SUPT3H: variants seen among roughly 807,000 people sequenced by gnomAD.
The protein encoded by SUPT3H is SPT3 homolog, SAGA and STAGA complex component, also known as transcription initiation protein SPT3 homolog.
In SUPT3H, 44 loss-of-function variants were observed where a neutral mutation model predicts 44.3. The observed-to-expected ratio is 0.99, with a 90% CI of 0.78 to 1.28. The LOEUF (loss-of-function observed/expected upper bound fraction) is 1.28. Ranked by LOEUF, SUPT3H falls within the 50% of genes most tolerant of loss-of-function variation. The probability of loss-of-function intolerance (pLI) is 0.00; values close to 1 mark genes in which losing one functional copy is unlikely to be tolerated. For missense variants in SUPT3H, 380 were observed against 387.1 expected (o/e 0.98, Z 0.15); for synonymous variants, 124 against 125.6 (o/e 0.99, Z 0.09).
chr6:44,831,824 A>G (rs1423585467), intron 10 of SUPT3H, among the ~76,000 whole-genome samples: 1 of 152,170 alleles, frequency 6.6e-6, no homozygotes, highest in African/African-American at 2.4e-5. Flanking sequence ...AGTTCTTATT[A>G]GCATGGAAAA....
chr6:45,371,067 T>TA (rs1302762977), intron 1 of SUPT3H, among the ~76,000 whole-genome samples: 1 of 152,196 alleles, frequency 6.6e-6, no homozygotes, highest in Non-Finnish European at 1.5e-5. Flanking sequence ...ATTAAAGAGT[T>TA]ACTTAATGGT....
intron 2 of SUPT3H, among the ~76,000 whole-genome samples, chr6:45,263,605 A>C (rs1774758014): frequency 6.6e-6 from 1 of 152,096 alleles, no homozygotes; most frequent in Non-Finnish European, 1.5e-5. Flanking sequence ...CACGTAACAA[A>C]CCTGAACATG....
chr6:45,169,534 T>C (rs144450231), intron 2 of SUPT3H, among the ~76,000 whole-genome samples: 1 of 152,198 alleles, frequency 6.6e-6, no homozygotes. Flanking sequence ...AAAATATTGC[T>C]TGAACATAAA....
intron 6 of SUPT3H, among the ~76,000 whole-genome samples, chr6:44,987,328 C>T (rs1779960263): frequency 6.6e-6 from 1 of 151,846 alleles, no homozygotes; most frequent in African/African-American, 2.4e-5. Flanking sequence ...CAGTCCATAG[C>T]CCCTTTTTAT....
intron 2 of SUPT3H, among the ~76,000 whole-genome samples, chr6:45,175,939 G>A (rs781382395): frequency 2.6e-5 from 4 of 152,198 alleles, no homozygotes; most frequent in Non-Finnish European, 5.9e-5. Context: ...TGGGAAGAAG[G>A]TGAAGGGAAT....
At chr6:44,947,189 A>G (rs909289763) in intron 9 of SUPT3H, among the ~76,000 whole-genome samples, 1 of 152,224 alleles carries the variant, frequency 6.6e-6, no homozygotes, top group Non-Finnish European at 1.5e-5. Context: ...TTTTATATGC[A>G]CCAGGAAAGC....
chr6:45,198,641 C>A (rs1240908584), intron 2 of SUPT3H, among the ~76,000 whole-genome samples: 1 of 151,206 alleles, frequency 6.6e-6, no homozygotes, highest in African/African-American at 2.4e-5. Context: ...AAAATAACTT[C>A]TTGATATAAG....
chr6:44,975,114 T>C (rs1448913615), intron 6 of SUPT3H, among the ~76,000 whole-genome samples: 1 of 152,036 alleles, frequency 6.6e-6, no homozygotes, highest in Non-Finnish European at 1.5e-5. Flanking sequence ...GAGGGTGCAG[T>C]GAGCAGAGAT....
intron 2 of SUPT3H, among the ~76,000 whole-genome samples, chr6:45,288,571 A>G (rs1395999087): frequency 2.9e-5 from 1 of 34,558 alleles, no homozygotes; most frequent in South Asian, 1.1e-3. Flanking sequence ...ATATGTATAT[A>G]TATATATATA....
chr6:44,964,401 A>G (rs1048624836), intron 6 of SUPT3H, among the ~76,000 whole-genome samples: 1 of 150,636 alleles, frequency 6.6e-6, no homozygotes, highest in Non-Finnish European at 1.5e-5. Context: ...GGGATTCTTA[A>G]CACTAACTTT....
At chr6:45,026,606 T>G (rs1433944400) in intron 3 of SUPT3H, among the ~76,000 whole-genome samples, 1 of 152,186 alleles carries the variant, frequency 6.6e-6, no homozygotes, top group Non-Finnish European at 1.5e-5. Context: ...AGGAATACCT[T>G]GCCACACTTC....
At chr6:44,959,938 A>G (rs1775768250) in intron 7 of SUPT3H, among the ~76,000 whole-genome samples, 1 of 152,188 alleles carries the variant, frequency 6.6e-6, no homozygotes, top group Admixed American at 6.5e-5. Context: ...GGATTAAAGC[A>G]TTCTCAACCA....
chr6:44,833,619 TGA>T (rs1769274119), intron 10 of SUPT3H, among the ~76,000 whole-genome samples: 1 of 152,176 alleles, frequency 6.6e-6, no homozygotes, highest in African/African-American at 2.4e-5. Context: ...TAAAAAATGC[TGA>T]GATACATGGT....
chr6:45,208,347 G>A (rs1763529729), intron 2 of SUPT3H, among the ~76,000 whole-genome samples: 1 of 152,174 alleles, frequency 6.6e-6, no homozygotes. Flanking sequence ...AAAGTGCAAG[G>A]TGAAGGAGCA....
intron 2 of SUPT3H, among the ~76,000 whole-genome samples, chr6:45,312,735 A>G (rs903909779): frequency 6.7e-6 from 1 of 150,374 alleles, no homozygotes; most frequent in Non-Finnish European, 1.5e-5. Flanking sequence ...CAGGTCAACA[A>G]GACAGTCAAC....
At chr6:45,169,947 T>C (rs543208771) in intron 2 of SUPT3H, among the ~76,000 whole-genome samples, 1 of 152,330 alleles carries the variant, frequency 6.6e-6, no homozygotes, top group Non-Finnish European at 1.5e-5. Context: ...TTATTTACTT[T>C]TGAGTCTGGC....
At chr6:45,030,749 A>G (rs1036100032) in intron 3 of SUPT3H, among the ~76,000 whole-genome samples, 5 of 152,156 alleles carry the variant, frequency 3.3e-5, no homozygotes, top group African/African-American at 1.2e-4. Context: ...TTTTATCTCT[A>G]TTACTAATTA....
intron 3 of SUPT3H, among the ~76,000 whole-genome samples, chr6:45,025,624 C>A (rs1022776889): frequency 6.6e-6 from 1 of 152,196 alleles, no homozygotes; most frequent in Non-Finnish European, 1.5e-5. Flanking sequence ...TGGCTCACGC[C>A]TGTAATCCCA....
chr6:44,903,258 G>A (rs1457777481), intron 10 of SUPT3H, among the ~76,000 whole-genome samples: 5 of 152,012 alleles, frequency 3.3e-5, no homozygotes, highest in African/African-American at 4.8e-5. Flanking sequence ...TTTTTGAAAA[G>A]AACAACAAAA....
Sources: allele counts gnomAD v4.1 joint callset (sites outside exome capture counted in the v4.1 genomes callset), GRCh38; gene constraint gnomAD v4.1.1; transcripts MANE v1.5; gene names NCBI Gene and HGNC (gene_info 2026-07-23, HGNC 2026-07-21).